Variants in TRPM1 observed in about 807,000 individuals in gnomAD.
TRPM1 encodes TRPM1-203 APA Isoform, Intron 10.
TRPM1 carries 113 observed loss-of-function variants against 149.4 expected under a neutral mutation model. The ratio of observed to expected loss-of-function variants is 0.76; its 90% CI spans 0.65 to 0.88. TRPM1 has a LOEUF of 0.88. Among genes scored for constraint, TRPM1 ranks in the 40% least tolerant of loss-of-function variants. TRPM1 has a pLI of 0.00. For synonymous variants in TRPM1, 741 were observed against 759.5 expected, an observed-to-expected ratio of 0.98 and a Z score of 0.40; for missense variants, 1,976 against 2,038.7, an observed-to-expected ratio of 0.97 and a Z score of 0.59.
intron 2 of TRPM1, among the ~76,000 whole-genome samples, chr15:31,078,655 GC>G (rs2034777097): frequency 6.6e-6 from 1 of 152,218 alleles, no homozygotes; most frequent in Non-Finnish European, 1.5e-5. Context: ...AGCCTCTGAA[GC>G]CCCGCCCTGC....
At chr15:31,003,208 A>C (rs1238473669) in intron 27 of TRPM1, 138 bp from the exon 28 acceptor site, 2 of 754,222 alleles carry the variant, frequency 2.7e-6, no homozygotes, top group Middle Eastern at 3.8e-4. Context: ...AAGCTTCACA[A>C]TCCCCTAACA....
Position 31,002,871 on chromosome 15 carries a change from C to T in TRPM1, c.3829G>A (p.Ala1277Thr), listed in dbSNP as rs753086080. 15 of 1,614,170 alleles carry T rather than the reference C, an allele frequency of 9.3e-6. No homozygotes were observed. The highest frequency in any genetic ancestry group is 1.6e-4 in the Middle Eastern group (1 of 6,062). ...ARSRASSECEATYLLRQSSIN... is the reference protein window; with the variant it reads ...ARSRASSECETTYLLRQSSIN... ...CTGCTTTGCCGGAGAAGATACGTTG[C>T]CTCACATTCAGAAGAAGCCCGGGAC... The change falls in exon 28 of 28, where the codon GCA becomes ACA. Residue 1277 changes from alanine (A) to threonine (T), a missense_variant. By Grantham distance (58) the Ala-to-Thr change is moderately conservative. This residue lies in a region of TRPM1 where 572 missense variants were observed against 578.9 expected (regional missense o/e 0.99). Coordinates refer to ENST00000256552, the MANE Select transcript of TRPM1 (RefSeq NM_001252024.2).
At chr15:31,005,033 C>G (rs575579789) in intron 27 of TRPM1, among the ~76,000 whole-genome samples, 36 of 151,874 alleles carry the variant, frequency 2.4e-4, no homozygotes, top group African/African-American at 8.0e-4. Context: ...ACCCAGGAGG[C>G]GGAGGTTGCA....
At chr15:31,069,646 C>G in intron 4 of TRPM1, 1 of 1,368,788 alleles carries the variant, frequency 7.3e-7, no homozygotes, top group South Asian at 2.1e-5. Flanking sequence ...GTGGACAGAC[C>G]TCAGAGGAAA....
intron 10 of TRPM1, 94 bp downstream of exon 10, chr15:31,061,348 A>G: frequency 1.6e-6 from 2 of 1,262,766 alleles, no homozygotes; most frequent in Non-Finnish European, 2.3e-6. Flanking sequence ...AGGGTCTAGC[A>G]CCAGCAGACA....
chr15:31,005,657 A>T (rs1159070050), intron 27 of TRPM1, among the ~76,000 whole-genome samples: 1 of 152,230 alleles, frequency 6.6e-6, no homozygotes, highest in African/African-American at 2.4e-5. Flanking sequence ...GCAAATTTTA[A>T]ACAGCTATGC....
chr15:31,058,074 GA>G (rs1269731164), intron 11 of TRPM1, among the ~76,000 whole-genome samples: 1 of 152,032 alleles, frequency 6.6e-6, no homozygotes, highest in Non-Finnish European at 1.5e-5. Flanking sequence ...ATAGCAGTGT[GA>G]AAACGGACTA....
chr15:31,151,007 C>A (rs918242459), intron 1 of TRPM1, among the ~76,000 whole-genome samples: 2 of 152,172 alleles, frequency 1.3e-5, no homozygotes, highest in South Asian at 4.2e-4. Context: ...ATAAGATGCC[C>A]AGCCCACATT....
At chr15:31,076,690 G>T (rs759919980) in intron 3 of TRPM1, among the ~76,000 whole-genome samples, 2 of 152,106 alleles carry the variant, frequency 1.3e-5, no homozygotes, top group African/African-American at 2.4e-5. Context: ...ATGAGAGTTC[G>T]CATTAGGGTG....
At position 31,001,959 on chromosome 15, in the gene TRPM1, TC is replaced by T. The variant is rs763394273; in HGVS notation, c.4740del (p.Asn1581MetfsTer2). On this transcript the variant is annotated frameshift_variant, in exon 28 of 28. Coordinates refer to ENST00000256552, the MANE Select transcript of TRPM1 (RefSeq NM_001252024.2). LOFTEE classifies it low-confidence loss of function (END_TRUNC). ...LRSKSLHGHPRNVKSIQGKLD... is the reference protein window; with the variant it reads ...LRSKSLHGHPXNVKSIQGKLD... ...AACTTTCCCTGAATGGATTTCACAT[TC>T]CTAGGATGTCCATGTAAACTTTTTG... is the stretch of plus-strand genomic sequence containing the variant. The T allele has an allele frequency of 1.2e-6, 2 of 1,614,100 alleles. No individual in the cohort carries two copies. The highest frequency in any genetic ancestry group is 8.5e-7 in the Non-Finnish European group (1 of 1,179,998).
intron 1 of TRPM1, among the ~76,000 whole-genome samples, chr15:31,128,506 C>A (rs1252878909): frequency 6.6e-6 from 1 of 152,220 alleles, no homozygotes; most frequent in Non-Finnish European, 1.5e-5. Flanking sequence ...CCCAACACCA[C>A]CCCCAAGCCT....
In TRPM1 at chr15:31,070,228, T is replaced by G; in HGVS notation, c.84-2A>C. The G allele has an allele frequency of 1.2e-6, 2 of 1,613,216 alleles. No individual in the cohort carries two copies. The highest frequency in any genetic ancestry group is 1.7e-6 in the Non-Finnish European group (2 of 1,179,704). On this transcript the variant is annotated splice_acceptor_variant, in intron 3 of 27. Coordinates refer to ENST00000256552, the MANE Select transcript of TRPM1 (RefSeq NM_001252024.2). LOFTEE classifies it high-confidence loss of function. ...TTGGTGAACTGGCCACAGCAACACCTGAAAACAAAGGCAAAGCAGGGTCTT... is the reference window on the plus strand; with the variant it reads ...TTGGTGAACTGGCCACAGCAACACCGGAAAACAAAGGCAAAGCAGGGTCTT...
Position 31,042,078 on chromosome 15 carries a change from A to G in TRPM1, c.1960T>C (p.Trp654Arg). ...GCCATGCTCTCTTCCCCTCGCTGCC[A>G]GAGGAACACTGCCATTTTCTGGCGT... is the stretch of plus-strand genomic sequence containing the variant. ...MKRQKMAVFL[W>R]QRGEESMAKA... The change falls in exon 17 of 28, where the codon TGG becomes CGG. Residue 654 changes from tryptophan (W) to arginine (R), a missense_variant. Physicochemically the swap from Trp to Arg is moderately radical, Grantham distance 101. Around this residue, in one of 3 missense-constraint regions of TRPM1, gnomAD observed 1,332 missense variants for 1,347.1 expected, o/e 0.99. Coordinates refer to ENST00000256552, the MANE Select transcript of TRPM1 (RefSeq NM_001252024.2). 1.9e-6 allele frequency: 3 copies of G among 1,614,240 alleles called. No homozygotes were observed. The highest frequency in any genetic ancestry group is 2.2e-5 in the East Asian group (1 of 44,886).
chr15:31,028,586 T>C (rs2032905462), intron 24 of TRPM1, 110 bp from the exon 25 acceptor site: 6 of 1,317,492 alleles, frequency 4.6e-6, no homozygotes, highest in Admixed American at 4.2e-5. Flanking sequence ...GATTCTTTCT[T>C]ATTTCATAAG....
At chr15:31,005,051 G>T (rs994841910) in intron 27 of TRPM1, among the ~76,000 whole-genome samples, 1 of 151,730 alleles carries the variant, frequency 6.6e-6, no homozygotes. Context: ...GCAGTGAGCC[G>T]AGATCGCACC....
At chr15:31,148,389 C>T (rs760035471) in intron 1 of TRPM1, among the ~76,000 whole-genome samples, 10 of 152,186 alleles carry the variant, frequency 6.6e-5, no homozygotes, top group Non-Finnish European at 1.2e-4. Flanking sequence ...TGGCCTGGCT[C>T]GGGCGCAGCT....
intron 14 of TRPM1, 85 bp from the exon 15 acceptor site, chr15:31,047,336 C>G: frequency 6.6e-7 from 1 of 1,504,904 alleles, no homozygotes; most frequent in South Asian, 1.1e-5. Flanking sequence ...AAGTGGCTGT[C>G]CTGGCCCCCA....
intron 1 of TRPM1, among the ~76,000 whole-genome samples, chr15:31,083,170 G>C (rs1278160991): frequency 6.6e-6 from 1 of 152,134 alleles, no homozygotes; most frequent in Non-Finnish European, 1.5e-5. Flanking sequence ...CCTATGTCTT[G>C]GGCCAAAATT....
At chr15:31,061,348 A>C in intron 10 of TRPM1, 94 bp downstream of exon 10, 1 of 1,262,766 alleles carries the variant, frequency 7.9e-7, no homozygotes, top group Non-Finnish European at 1.2e-6. Flanking sequence ...AGGGTCTAGC[A>C]CCAGCAGACA....
Sources: gnomAD v4.1 joint callset for allele counts (sites outside exome capture counted in the v4.1 genomes callset) on GRCh38, gnomAD v4.1.1 for gene constraint, gnomAD v4.1.1 regional missense constraint, MANE v1.5 for transcripts, NCBI Gene and HGNC (gene_info 2026-07-23, HGNC 2026-07-21) for gene names.